Variants in CSMD1 observed in about 807,000 individuals in gnomAD.
CSMD1 encodes CUB and Sushi multiple domains 1, also known as CUB and sushi domain-containing protein 1.
Under a neutral mutation model 417.5 loss-of-function variants are expected in CSMD1, and 213 were observed. The observed-to-expected ratio is 0.51, with a 90% CI of 0.46 to 0.57. The LOEUF (loss-of-function observed/expected upper bound fraction) is 0.57. Ranked by LOEUF, CSMD1 falls within the 20% of genes least tolerant of loss-of-function variation. The pLI is 0.00. For missense variants in CSMD1, 6,923 were observed against 4,529.7 expected (o/e 1.53, Z -15.17); for synonymous variants, 2,862 against 1,736.8 (o/e 1.65, Z -16.11).
At chr8:4,037,794 C>A (rs6980998) in intron 3 of CSMD1, among the ~76,000 whole-genome samples, 32,252 of 151,966 alleles carry the variant, frequency 0.21, 3,854 homozygotes, top group Admixed American at 0.27. Context: ...TGAACCATTC[C>A]AGGTTGGAAT....
chr8:4,242,049 T>C (rs1275244870), intron 3 of CSMD1, among the ~76,000 whole-genome samples: 2 of 152,160 alleles, frequency 1.3e-5, no homozygotes, highest in African/African-American at 4.8e-5. Context: ...CTTTGTGAAA[T>C]GAAAAAGGGT....
chr8:4,315,009 C>G (rs1475055593), intron 3 of CSMD1, among the ~76,000 whole-genome samples: 2 of 152,130 alleles, frequency 1.3e-5, no homozygotes, highest in African/African-American at 4.8e-5. Flanking sequence ...CAGCCCCAGC[C>G]TGAGAAAAGA....
At position 4,456,889 on chromosome 8, in the gene CSMD1, C is replaced by T. The variant is rs569906707; in HGVS notation, c.303-36824G>A. On this transcript the variant is annotated intron_variant, in intron 2 of 69. Coordinates refer to ENST00000635120, the MANE Select transcript of CSMD1 (RefSeq NM_033225.6). ...GCACTGGCTTCAAAGGGAGAACACA[C>T]CCGTATTTGAAGCCAGTTTCCACCC... Among the ~76,000 whole-genome samples the T allele has an allele frequency of 7.8e-4, 119 of 151,658 alleles. 1 individual carries two copies. The South Asian group carries it at 0.023, about 30-fold the overall frequency.
intron 2 of CSMD1, among the ~76,000 whole-genome samples, chr8:4,564,366 T>C (rs1233360766): frequency 1.3e-5 from 2 of 152,166 alleles, no homozygotes; most frequent in African/African-American, 2.4e-5. Context: ...ATAACATAGA[T>C]TGGTTGAATT....
chr8:3,473,333 T>C (rs1817215712), intron 11 of CSMD1, among the ~76,000 whole-genome samples: 2 of 152,212 alleles, frequency 1.3e-5, no homozygotes, highest in Non-Finnish European at 1.5e-5. Context: ...GCCTGCTATG[T>C]GACAGTTATA....
chr8:3,979,134 G>A (rs983510137), intron 5 of CSMD1, among the ~76,000 whole-genome samples: 9 of 152,164 alleles, frequency 5.9e-5, no homozygotes, highest in Admixed American at 4.6e-4. Context: ...TGAAACATGG[G>A]GCCTCAGGCC....
chr8:4,524,159 T>C (rs1796386961), intron 2 of CSMD1, among the ~76,000 whole-genome samples: 2 of 151,944 alleles, frequency 1.3e-5, no homozygotes, highest in East Asian at 3.9e-4. Flanking sequence ...ATCATATTTG[T>C]ATGTATAAAG....
intron 10 of CSMD1, among the ~76,000 whole-genome samples, chr8:3,520,125 G>T (rs771468008): frequency 1.3e-5 from 2 of 151,460 alleles, no homozygotes; most frequent in Non-Finnish European, 1.5e-5. Flanking sequence ...CAGGCACAGA[G>T]AAATAATTTA....
intron 1 of CSMD1, among the ~76,000 whole-genome samples, chr8:4,755,786 C>T (rs191182275): frequency 3.3e-5 from 5 of 152,238 alleles, no homozygotes; most frequent in African/African-American, 7.2e-5. Context: ...TCTTCATGAA[C>T]GCTATTTTTT....
At chr8:3,018,118 A>G (rs1262958921) in intron 52 of CSMD1, among the ~76,000 whole-genome samples, 1 of 152,268 alleles carries the variant, frequency 6.6e-6, no homozygotes, top group Non-Finnish European at 1.5e-5. Context: ...TTGGATGAAT[A>G]TAACTTCAAT....
chr8:3,964,621 T>C (rs780591833), intron 5 of CSMD1, among the ~76,000 whole-genome samples: 1 of 152,210 alleles, frequency 6.6e-6, no homozygotes, highest in East Asian at 1.9e-4. Context: ...TTTTAGCTAG[T>C]TGCAAAGAAA....
At chr8:3,813,807 A>AT (rs201983430) in intron 5 of CSMD1, among the ~76,000 whole-genome samples, 1,967 of 152,236 alleles carry the variant, frequency 0.013, 50 homozygotes, top group African/African-American at 0.045. Flanking sequence ...CTGTTACTGA[A>AT]AAACTTAAAG....
At chr8:4,783,151 C>T (rs1429616556) in intron 1 of CSMD1, among the ~76,000 whole-genome samples, 2 of 152,180 alleles carry the variant, frequency 1.3e-5, no homozygotes, top group Admixed American at 6.6e-5. Flanking sequence ...AAATTCATCT[C>T]TCCAACCCAC....
At chr8:4,932,330 A>T (rs1258534531) in intron 1 of CSMD1, among the ~76,000 whole-genome samples, 1 of 76,796 alleles carries the variant, frequency 1.3e-5, no homozygotes, top group African/African-American at 4.3e-5. Flanking sequence ...CACACTTGAC[A>T]TATTTCTAGA....
intron 52 of CSMD1, among the ~76,000 whole-genome samples, chr8:3,009,798 T>C (rs1223226784): frequency 3.3e-5 from 5 of 152,190 alleles, no homozygotes; most frequent in Non-Finnish European, 7.3e-5. Context: ...CTGTGCTGTT[T>C]GTGACAGCAT....
intron 1 of CSMD1, among the ~76,000 whole-genome samples, chr8:4,665,666 T>C (rs919501844): frequency 4.6e-5 from 7 of 152,206 alleles, no homozygotes; most frequent in Middle Eastern, 3.2e-3. Flanking sequence ...GCATTCAAGG[T>C]CCACCCACGC....
intron 3 of CSMD1, among the ~76,000 whole-genome samples, chr8:4,079,912 T>C (rs1971077): frequency 0.018 from 2,697 of 152,232 alleles, 85 homozygotes; most frequent in African/African-American, 0.06. Context: ...TTCTTGCCTT[T>C]CCACCCCTTT....
chr8:3,711,815 A>T (rs1463165340), intron 6 of CSMD1, among the ~76,000 whole-genome samples: 1 of 152,224 alleles, frequency 6.6e-6, no homozygotes, highest in Admixed American at 6.5e-5. Context: ...ATGAATGCAC[A>T]ATAAATAACA....
intron 2 of CSMD1, among the ~76,000 whole-genome samples, chr8:4,633,999 A>G (rs1314599675): frequency 6.6e-6 from 1 of 151,250 alleles, no homozygotes; most frequent in East Asian, 1.9e-4. Flanking sequence ...AGGTCATTAA[A>G]AAAAAAAAAA....
Sources: gnomAD v4.1 joint callset for allele counts (sites outside exome capture counted in the v4.1 genomes callset) on GRCh38, gnomAD v4.1.1 for gene constraint, MANE v1.5 for transcripts, NCBI Gene and HGNC (gene_info 2026-07-23, HGNC 2026-07-21) for gene names.